Variants in GNAT3 observed in about 807,000 individuals in gnomAD.
GNAT3 encodes guanine nucleotide-binding protein G(t) subunit alpha-3.
GNAT3 carries 31 observed loss-of-function variants against 37.7 expected under a neutral mutation model. That is an observed-to-expected ratio of 0.82 (90% confidence interval 0.62 to 1.11). The LOEUF (loss-of-function observed/expected upper bound fraction) is 1.11. GNAT3 is among the 50% of genes most tolerant of loss of function. The pLI is 0.00. For missense variants in GNAT3, 437 were observed against 412.5 expected, an observed-to-expected ratio of 1.06 and a Z score of -0.51; for synonymous variants, 138 against 139.8, an observed-to-expected ratio of 0.99 and a Z score of 0.09.
chr7:80,488,118 G>A (rs965433247), intron 3 of GNAT3, among the ~76,000 whole-genome samples: 3 of 151,888 alleles, frequency 2.0e-5, no homozygotes, highest in Non-Finnish European at 4.4e-5. Context: ...CACAGACCTT[G>A]TAATCATCGT....
chr7:80,462,461 G>T (rs745712823), intron 6 of GNAT3, 41 bp downstream of exon 6: 3 of 1,604,660 alleles, frequency 1.9e-6, no homozygotes, highest in Non-Finnish European at 2.6e-6. Context: ...AAAGCACAAA[G>T]ATTACTTTTA....
intron 4 of GNAT3, among the ~76,000 whole-genome samples, chr7:80,478,543 GA>G (rs1790341629): frequency 6.6e-6 from 1 of 152,150 alleles, no homozygotes; most frequent in African/African-American, 2.4e-5. Flanking sequence ...GTGTTAGTGT[GA>G]AAGGCTATGC....
intron 3 of GNAT3, among the ~76,000 whole-genome samples, chr7:80,482,885 G>T (rs1047557950): frequency 6.6e-6 from 1 of 151,796 alleles, no homozygotes; most frequent in South Asian, 2.1e-4. Context: ...ATTTGTAGAG[G>T]TATCATGAAT....
intron 5 of GNAT3, among the ~76,000 whole-genome samples, chr7:80,467,945 GT>G (rs538341075): frequency 3.1e-4 from 46 of 147,576 alleles, no homozygotes; most frequent in South Asian, 1.3e-3. Context: ...ATTTATTTAA[GT>G]TTTTTTTTTA....
chr7:80,497,111 A>C (rs751604422), intron 1 of GNAT3, among the ~76,000 whole-genome samples: 3 of 152,230 alleles, frequency 2.0e-5, no homozygotes, highest in Admixed American at 6.5e-5. Flanking sequence ...TGCAAAAATC[A>C]AAGTAACTTG....
At chr7:80,464,069 G>C (rs1210917750) in intron 5 of GNAT3, among the ~76,000 whole-genome samples, 1 of 151,666 alleles carries the variant, frequency 6.6e-6, no homozygotes, top group African/African-American at 2.4e-5. Context: ...GCCTTAAGAA[G>C]CTTTTAAACT....
chr7:80,488,023 C>G (rs1371473169), intron 3 of GNAT3, among the ~76,000 whole-genome samples: 1 of 151,958 alleles, frequency 6.6e-6, no homozygotes, highest in Non-Finnish European at 1.5e-5. Flanking sequence ...CTTGAATATA[C>G]TTGATATACA....
intron 1 of GNAT3, among the ~76,000 whole-genome samples, chr7:80,498,347 AC>A (rs916971685): frequency 2.0e-5 from 3 of 152,130 alleles, no homozygotes; most frequent in African/African-American, 7.2e-5. Context: ...AATGGCATGT[AC>A]TTTTAAATGA....
At chr7:80,478,515 T>C (rs1301622251) in intron 4 of GNAT3, among the ~76,000 whole-genome samples, 1 of 152,158 alleles carries the variant, frequency 6.6e-6, no homozygotes, top group Admixed American at 6.6e-5. Context: ...AAAACCTCAG[T>C]GTGCATGTCA....
intron 4 of GNAT3, among the ~76,000 whole-genome samples, 163 bp from the exon 5 acceptor site, chr7:80,474,542 C>T (rs1414589960): frequency 1.3e-5 from 2 of 151,868 alleles, no homozygotes; most frequent in South Asian, 2.1e-4. Context: ...GAATTTTTAG[C>T]GTAGGTTCTA....
chr7:80,475,575 C>T (rs6944302), intron 4 of GNAT3, among the ~76,000 whole-genome samples: 17,229 of 151,868 alleles, frequency 0.11, 1,514 homozygotes, highest in African/African-American at 0.24. Context: ...GTGCTTCCAT[C>T]GAGACAGAAT....
In GNAT3 at chr7:80,511,934, TG is replaced by T; in HGVS notation, c.-9del. On this transcript the variant is annotated 5_prime_UTR_variant, in exon 1 of 8. Coordinates refer to ENST00000398291, the MANE Select transcript of GNAT3 (RefSeq NM_001102386.3). ...ACTAATTCCACTTCCCATCTTGTGGTGGTAGATACTTGTCAGTTTATATGTT... is the reference window on the plus strand; with the variant it reads ...ACTAATTCCACTTCCCATCTTGTGGTGTAGATACTTGTCAGTTTATATGTT... 2 of 1,571,324 alleles carry T rather than the reference TG, an allele frequency of 1.3e-6. No individual in the cohort carries two copies. Among genetic ancestry groups the T allele is most frequent in the African/African-American group, 2.7e-5 (2 of 74,170 alleles).
chr7:80,470,347 G>A (rs1790191240), intron 5 of GNAT3, among the ~76,000 whole-genome samples: 1 of 152,082 alleles, frequency 6.6e-6, no homozygotes, highest in Non-Finnish European at 1.5e-5. Flanking sequence ...TCAGCCTCCT[G>A]CATAGCTGGG....
chr7:80,493,018 A>T (rs1295897852), intron 2 of GNAT3, among the ~76,000 whole-genome samples: 7 of 151,894 alleles, frequency 4.6e-5, no homozygotes, highest in Non-Finnish European at 7.4e-5. Context: ...TTACTTAGCA[A>T]TCTATGGGCC....
At chr7:80,496,508 C>T (rs1445529726) in intron 1 of GNAT3, among the ~76,000 whole-genome samples, 3 of 150,828 alleles carry the variant, frequency 2.0e-5, no homozygotes, top group Non-Finnish European at 4.4e-5. Context: ...TCTTTCCTAA[C>T]ACTTTTCTCC....
At chr7:80,504,942 G>C (rs1378256738) in intron 1 of GNAT3, among the ~76,000 whole-genome samples, 1 of 152,162 alleles carries the variant, frequency 6.6e-6, no homozygotes, top group African/African-American at 2.4e-5. Flanking sequence ...ATAATTATTG[G>C]CCCAGCTAAA....
intron 7 of GNAT3, among the ~76,000 whole-genome samples, chr7:80,460,160 A>G (rs1007131903): frequency 6.6e-6 from 1 of 151,374 alleles, no homozygotes; most frequent in African/African-American, 2.4e-5. Flanking sequence ...ATTAGCTATC[A>G]ATCCATAAAA....
chr7:80,484,326 A>G (rs374184378), intron 3 of GNAT3, among the ~76,000 whole-genome samples: 4 of 152,108 alleles, frequency 2.6e-5, no homozygotes, highest in South Asian at 4.1e-4. Context: ...TAAAAATACC[A>G]TGTTTTGTGG....
chr7:80,466,327 T>C (rs1055152731), intron 5 of GNAT3, among the ~76,000 whole-genome samples: 1 of 152,128 alleles, frequency 6.6e-6, no homozygotes, highest in Non-Finnish European at 1.5e-5. Context: ...TATGCCCAAT[T>C]ATGCCATTTT....
Sources: gnomAD v4.1 joint callset for allele counts (sites outside exome capture counted in the v4.1 genomes callset) on GRCh38, gnomAD v4.1.1 for gene constraint, MANE v1.5 for transcripts, NCBI Gene and HGNC (gene_info 2026-07-23, HGNC 2026-07-21) for gene names.